Variants in ANKRD33B observed in about 807,000 individuals in gnomAD.
ANKRD33B encodes ankyrin repeat domain-containing protein 33B.
In ANKRD33B, 6 loss-of-function variants were observed where a neutral mutation model predicts 21.5. That is an observed-to-expected ratio of 0.28 (90% CI 0.15 to 0.55). The LOEUF (loss-of-function observed/expected upper bound fraction) is 0.55, where lower values mean the gene tolerates loss of function less well. Ranked by LOEUF, ANKRD33B falls within the 20% of genes least tolerant of loss-of-function variation. The pLI is 0.94. For synonymous variants in ANKRD33B, 347 were observed against 342.4 expected (o/e 1.01, Z -0.15); for missense variants, 698 against 747.2 (o/e 0.93, Z 0.77).
intron 1 of ANKRD33B, among the ~76,000 whole-genome samples, chr5:10,598,605 A>C (rs532432199): frequency 1.9e-4 from 29 of 152,178 alleles, no homozygotes; most frequent in Non-Finnish European, 3.8e-4. Context: ...TTAATTAAAA[A>C]AATTTTTTTT....
chr5:10,609,429 A>C (rs1365033385), intron 1 of ANKRD33B, among the ~76,000 whole-genome samples: 1 of 152,068 alleles, frequency 6.6e-6, no homozygotes, highest in African/African-American at 2.4e-5. Flanking sequence ...GTGCTCACCC[A>C]TAGTCCCAGC....
chr5:10,628,004 A>T (rs1324678948), intron 2 of ANKRD33B: 3 of 152,294 alleles, frequency 2.0e-5, no homozygotes, highest in African/African-American at 7.2e-5. Context: ...TAAATGCCTT[A>T]TGCTAAGAAT....
At chr5:10,644,989 A>T (rs1737160793) in intron 3 of ANKRD33B, among the ~76,000 whole-genome samples, 1 of 152,196 alleles carries the variant, frequency 6.6e-6, no homozygotes, top group Non-Finnish European at 1.5e-5. Context: ...CTCCACTATG[A>T]GGAAAAGATA....
intron 1 of ANKRD33B, among the ~76,000 whole-genome samples, chr5:10,607,849 C>T (rs1415691357): frequency 6.6e-6 from 1 of 152,150 alleles, no homozygotes; most frequent in Non-Finnish European, 1.5e-5. Context: ...ATTTAAAGCT[C>T]CTTGTTACTG....
In ANKRD33B at chr5:10,652,309, C is replaced by A. The variant is rs879308617; in HGVS notation, c.*2196C>A. 1 of 152,418 alleles carries A rather than the reference C, an allele frequency of 6.6e-6. No homozygotes were observed. Among genetic ancestry groups the A allele is most frequent in the South Asian group, 2.1e-4 (1 of 4,832 alleles). 9.4% of individuals were successfully genotyped at this position (152,418 alleles called of 1,614,324 possible). A position where few individuals can be genotyped will look rare whatever the true frequency, so the allele number is the denominator to read the frequency against. ...AAGCCCTGGGAGCGCCCTAAAGCTC[C>A]GCAGGTAACTGCACTGCAGCCCGCA... On this transcript the variant is annotated 3_prime_UTR_variant, in exon 4 of 4. Coordinates refer to ENST00000296657, the MANE Select transcript of ANKRD33B (RefSeq NM_001164440.2). The surrounding 1 kb of genome is among the most constrained non-coding windows in gnomAD (Gnocchi z 4.1).
chr5:10,588,756 TG>T (rs1735619750), intron 1 of ANKRD33B, among the ~76,000 whole-genome samples: 1 of 152,166 alleles, frequency 6.6e-6, no homozygotes, highest in Non-Finnish European at 1.5e-5. Context: ...GAAAACAATG[TG>T]GAAAAAAGCT....
At chr5:10,638,871 A>G (rs1371976124) in intron 3 of ANKRD33B, among the ~76,000 whole-genome samples, 1 of 151,878 alleles carries the variant, frequency 6.6e-6, no homozygotes, top group African/African-American at 2.4e-5. Flanking sequence ...GTGGAGTTGC[A>G]TGGTAATGTT....
chr5:10,589,394 C>T (rs1227477907), intron 1 of ANKRD33B, among the ~76,000 whole-genome samples: 3 of 152,202 alleles, frequency 2.0e-5, no homozygotes, highest in Non-Finnish European at 2.9e-5. Context: ...CTACACCAAG[C>T]CTCACCATCT....
At chr5:10,621,897 T>G (rs931347703) in intron 2 of ANKRD33B, among the ~76,000 whole-genome samples, 9 of 152,098 alleles carry the variant, frequency 5.9e-5, no homozygotes, top group African/African-American at 1.9e-4. Context: ...TTAGATGAGA[T>G]CATGAGAGTA....
intron 3 of ANKRD33B, among the ~76,000 whole-genome samples, chr5:10,646,631 TTTG>T (rs1457760756): frequency 6.6e-6 from 1 of 152,226 alleles, no homozygotes. Context: ...AATTTTATAG[TTTG>T]TTCCTTTTTT....
chr5:10,589,878 C>T lies in ANKRD33B; in HGVS notation c.366+25045C>T, dbSNP rs139389210. On this transcript the variant is annotated intron_variant, in intron 1 of 3. Coordinates refer to ENST00000296657, the MANE Select transcript of ANKRD33B (RefSeq NM_001164440.2). ...CCTTTTTCTTCCTATCCTGTGACAC[C>T]AAATTCACACACATTAGACCTTTTA... 2.1e-4 allele frequency among the ~76,000 whole-genome samples: 32 copies of T among 151,680 alleles called. No individual in the cohort carries two copies. The East Asian group carries it at 6.2e-3, about 29-fold the overall frequency.
In ANKRD33B at chr5:10,564,471, G is replaced by GTGC; in HGVS notation, c.10_12dup (p.Leu4dup). On this transcript the variant is annotated inframe_insertion, in exon 1 of 4. Transcript: ENST00000296657. Reference sequence around the variant, plus strand: ...GGCCCGCGCCCCGGCCGCCGGCATGGTGCTGCTGGCCGGGACCGGGCCGGA... The same window carrying GTGC: ...GGCCCGCGCCCCGGCCGCCGGCATGGTGCTGCTGCTGGCCGGGACCGGGCCGGA... The GTGC allele has an allele frequency of 7.2e-7, 1 of 1,384,302 alleles. No homozygotes were observed. The highest frequency in any genetic ancestry group is 9.4e-7 in the Non-Finnish European group (1 of 1,059,366). 85.8% of individuals were successfully genotyped at this position (1,384,302 alleles called of 1,614,324 possible). A position where few individuals can be genotyped will look rare whatever the true frequency, so the allele number is the denominator to read the frequency against.
At position 10,606,049 on chromosome 5, in the gene ANKRD33B, G is replaced by A. The variant is rs139761600; in HGVS notation, c.367-12284G>A. Among the ~76,000 whole-genome samples the A allele has an allele frequency of 1.3e-4, 20 of 152,282 alleles. 1 individual carries two copies. Among genetic ancestry groups the A allele is most frequent in the African/African-American group, 4.3e-4 (18 of 41,562 alleles). On this transcript the variant is annotated intron_variant, in intron 1 of 3. Transcript: ENST00000296657. ...CACATAATGCTTGTATGATCACTGC[G>A]TGGAAACCACTCCCAGTGTTGGGAA... is the stretch of plus-strand genomic sequence containing the variant.
At chr5:10,621,465 G>T (rs572255141) in intron 2 of ANKRD33B, among the ~76,000 whole-genome samples, 1 of 152,050 alleles carries the variant, frequency 6.6e-6, no homozygotes, top group East Asian at 1.9e-4. Context: ...ATTCTTTGTC[G>T]GCAAGAAACC....
At chr5:10,627,884 C>T (rs367722666) in intron 2 of ANKRD33B, 1 of 152,264 alleles carries the variant, frequency 6.6e-6, no homozygotes, top group Admixed American at 6.5e-5. Context: ...GCCAGGAGGG[C>T]TCCTCAGCCA....
rs2126539282 is a variant in ANKRD33B at position 10,564,750 on chromosome 5, G to T, written c.283G>T (p.Ala95Ser). The stretch of plus-strand genomic sequence containing the variant: ...GGCGACCCTCCTGCGCGCCGCCTGC[G>T]CCAACAACGTGGGGCTGCTGCGGAC... ...ETATLLRAAC[A>S]NNVGLLRTLV... is the part of the protein sequence containing the mutation. Residue 95 changes from alanine to serine, a missense_variant, in exon 1 of 4, where the codon GCC becomes TCC. Around this residue, in one of 3 missense-constraint regions of ANKRD33B, gnomAD observed 148 missense variants for 154.9 expected, o/e 0.96. Coordinates refer to ENST00000296657, the MANE Select transcript of ANKRD33B (RefSeq NM_001164440.2). 1 of 1,530,672 alleles carries T rather than the reference G, an allele frequency of 6.5e-7. No individual in the cohort carries two copies. Among genetic ancestry groups the T allele is most frequent in the East Asian group, 2.5e-5 (1 of 40,754 alleles). The allele number at this position is 1,530,672 out of a possible 1,614,324, so 94.8% of individuals were successfully genotyped here.
rs183979896 is a variant in ANKRD33B at position 10,609,751 on chromosome 5, A to G, written c.367-8582A>G. On this transcript the variant is annotated intron_variant, in intron 1 of 3. Coordinates refer to ENST00000296657, the MANE Select transcript of ANKRD33B (RefSeq NM_001164440.2). ...TGGTGAAACCCCATTTCTACTAAAA[A>G]TACAAAAATTAGCCAGGCATGGTGG... 8.5e-5 allele frequency among the ~76,000 whole-genome samples: 13 copies of G among 152,282 alleles called. No homozygotes were observed. In the East Asian group the frequency reaches 2.5e-3, roughly 29 times the overall value.
intron 1 of ANKRD33B, among the ~76,000 whole-genome samples, chr5:10,613,407 C>T (rs1263161358): frequency 6.6e-6 from 1 of 151,750 alleles, no homozygotes. Flanking sequence ...ACCTCAGCCT[C>T]CTGAGTAGCT....
chr5:10,620,690 C>T lies in ANKRD33B; in HGVS notation c.496+2228C>T, dbSNP rs1206217657. ...ATGATTGTTTCTTCAGAGTCAGGAGCACATCGTATATTTTTGGCAAGAATA... is the reference window on the plus strand; with the variant it reads ...ATGATTGTTTCTTCAGAGTCAGGAGTACATCGTATATTTTTGGCAAGAATA... On this transcript the variant is annotated intron_variant, in intron 2 of 3. Transcript: ENST00000296657. Among the ~76,000 whole-genome samples, 5 of 152,172 alleles carry T rather than the reference C, an allele frequency of 3.3e-5. No homozygotes were observed. The East Asian group carries it at 9.6e-4, about 29-fold the overall frequency.
Sources: allele counts gnomAD v4.1 joint callset (sites outside exome capture counted in the v4.1 genomes callset), GRCh38; gene constraint gnomAD v4.1.1; regional missense constraint gnomAD v4.1.1; non-coding constraint Gnocchi (gnomAD v3.1); transcripts MANE v1.5; gene names NCBI Gene and HGNC (gene_info 2026-07-23, HGNC 2026-07-21).